IL1RAPL1: variants seen among roughly 807,000 people sequenced by gnomAD.
The protein encoded by IL1RAPL1 is interleukin 1 receptor accessory protein like 1.
IL1RAPL1 carries 3 observed loss-of-function variants against 48.4 expected under a neutral mutation model. The observed-to-expected ratio is 0.06, with a 90% CI of 0.03 to 0.16. The LOEUF is 0.16. IL1RAPL1 is among the 10% of genes least tolerant of loss of function. The probability of loss-of-function intolerance (pLI) is 1.00; values close to 1 mark genes in which losing one functional copy is unlikely to be tolerated. For missense variants in IL1RAPL1, 349 were observed against 530.6 expected (o/e 0.66, Z 3.36); for synonymous variants, 185 against 187.7 (o/e 0.99, Z 0.12).
intron 1 of IL1RAPL1, among the ~76,000 whole-genome samples, chrX:28,671,381 G>A (rs1038525662): frequency 3.6e-5 from 4 of 111,760 alleles, no homozygotes; most frequent in African/African-American, 1.3e-4. Flanking sequence ...TGAGTTAGTA[G>A]TCCAATGCTG....
intron 2 of IL1RAPL1, among the ~76,000 whole-genome samples, chrX:29,005,310 G>A (rs1925951248): frequency 8.9e-6 from 1 of 112,202 alleles, no homozygotes; most frequent in Non-Finnish European, 1.9e-5. Flanking sequence ...TGAAACTACT[G>A]TGATTAAAGC....
At chrX:28,869,492 A>G (rs1444477044) in intron 2 of IL1RAPL1, among the ~76,000 whole-genome samples, 1 of 112,418 alleles carries the variant, frequency 8.9e-6, no homozygotes, top group Non-Finnish European at 1.9e-5. Context: ...GAATACTTAT[A>G]TAAACTGCAT....
At chrX:29,252,408 C>G (rs987114367) in intron 2 of IL1RAPL1, among the ~76,000 whole-genome samples, 1 of 113,857 alleles carries the variant, frequency 8.8e-6, no homozygotes, top group African/African-American at 3.2e-5. Context: ...CCAGGGCATA[C>G]AGGGAAATAA....
chrX:29,636,054 T>A (rs1052095832), intron 5 of IL1RAPL1, among the ~76,000 whole-genome samples: 2 of 111,315 alleles, frequency 1.8e-5, no homozygotes, highest in East Asian at 5.6e-4. Flanking sequence ...ATTATAATGT[T>A]AGTCTTATAA....
At chrX:29,508,230 A>G (rs1431264581) in intron 5 of IL1RAPL1, among the ~76,000 whole-genome samples, 2 of 111,589 alleles carry the variant, frequency 1.8e-5, no homozygotes, top group African/African-American at 6.5e-5. Flanking sequence ...TCCTGATCCC[A>G]GCTCAAATAC....
chrX:29,200,395 A>C (rs1930532234), intron 2 of IL1RAPL1, among the ~76,000 whole-genome samples: 1 of 111,682 alleles, frequency 9.0e-6, no homozygotes, highest in Non-Finnish European at 1.9e-5. Flanking sequence ...CAAAAAAGTG[A>C]CACAGCAATA....
intron 2 of IL1RAPL1, among the ~76,000 whole-genome samples, chrX:29,266,501 A>T (rs1250636985): frequency 5.4e-5 from 6 of 111,567 alleles, no homozygotes; most frequent in Non-Finnish European, 1.1e-4. Context: ...ATTAATAGGA[A>T]CTCACTGCAT....
intron 5 of IL1RAPL1, among the ~76,000 whole-genome samples, chrX:29,617,492 A>G (rs141479228): frequency 8.9e-6 from 1 of 112,226 alleles, no homozygotes; most frequent in Non-Finnish European, 1.9e-5. Flanking sequence ...TGGTGAGTCA[A>G]TGAATCTCTC....
chrX:29,415,660 C>T (rs747844707), intron 5 of IL1RAPL1, among the ~76,000 whole-genome samples: 3 of 111,853 alleles, frequency 2.7e-5, no homozygotes, highest in South Asian at 7.4e-4. Context: ...ACGTTGTGAT[C>T]CACCCACTTT....
intron 5 of IL1RAPL1, among the ~76,000 whole-genome samples, chrX:29,417,790 C>G (rs1934235800): frequency 9.1e-6 from 1 of 110,359 alleles, no homozygotes; most frequent in African/African-American, 3.3e-5. Flanking sequence ...TTAATGAGTA[C>G]TTATTGTTAA....
chrX:29,459,826 C>T (rs1934782238), intron 5 of IL1RAPL1, among the ~76,000 whole-genome samples: 1 of 111,758 alleles, frequency 8.9e-6, no homozygotes, highest in Admixed American at 9.5e-5. Context: ...GCTATTAACT[C>T]TAGTTATCGT....
At chrX:29,791,716 GC>G (rs1273737625) in intron 6 of IL1RAPL1, among the ~76,000 whole-genome samples, 3 of 95,508 alleles carry the variant, frequency 3.1e-5, no homozygotes, top group Admixed American at 2.5e-4. Context: ...GAGCCACCAT[GC>G]CCAGCCTTCT....
At chrX:29,655,037 C>G (rs767540918) in intron 5 of IL1RAPL1, among the ~76,000 whole-genome samples, 1 of 111,383 alleles carries the variant, frequency 9.0e-6, no homozygotes, top group Non-Finnish European at 1.9e-5. Context: ...TTTCAGTCCA[C>G]TATCATAATG....
At chrX:29,700,176 A>G (rs989918190) in intron 6 of IL1RAPL1, among the ~76,000 whole-genome samples, 1 of 112,095 alleles carries the variant, frequency 8.9e-6, no homozygotes, top group Non-Finnish European at 1.9e-5. Context: ...AAAAATTTTT[A>G]ATAAGTTTGA....
chrX:29,699,623 G>C (rs1014928695), intron 6 of IL1RAPL1, among the ~76,000 whole-genome samples: 2 of 112,148 alleles, frequency 1.8e-5, no homozygotes, highest in African/African-American at 6.5e-5. Flanking sequence ...TTTTCCCAGT[G>C]CATAAGTCAC....
Position 28,687,222 on chromosome X carries a change from T to TC in IL1RAPL1, c.-25+99180dup, listed in dbSNP as rs1486155183. On this transcript the variant is annotated intron_variant, in intron 1 of 10. Transcript: ENST00000378993. ...TTTTCTTTCAGGATTATTCTCCTAA[T>TC]CCCCCAAGACCATCCCTGTTCAGCG... is the stretch of plus-strand genomic sequence containing the variant. 2.7e-5 allele frequency among the ~76,000 whole-genome samples: 3 copies of TC among 111,088 alleles called. No homozygotes were observed. In the East Asian group the frequency reaches 8.5e-4, roughly 31 times the overall value.
intron 3 of IL1RAPL1, chrX:29,369,247 G>C (rs1248323996): frequency 9.1e-6 from 1 of 110,233 alleles, no homozygotes; most frequent in African/African-American, 3.3e-5. Flanking sequence ...AGCAGCAGCT[G>C]CTGCTGGATG....
At chrX:28,964,277 C>T (rs764568538) in intron 2 of IL1RAPL1, among the ~76,000 whole-genome samples, 6 of 111,435 alleles carry the variant, frequency 5.4e-5, no homozygotes, top group South Asian at 7.4e-4. Flanking sequence ...AAAGTATCTA[C>T]GCATATACAG....
intron 2 of IL1RAPL1, among the ~76,000 whole-genome samples, chrX:29,060,148 A>G (rs1466196056): frequency 8.9e-6 from 1 of 112,177 alleles, no homozygotes; most frequent in Non-Finnish European, 1.9e-5. Context: ...GCAAATGAAT[A>G]AGAAACTGGC....
Sources: allele counts gnomAD v4.1 joint callset (sites outside exome capture counted in the v4.1 genomes callset), GRCh38; gene constraint gnomAD v4.1.1; transcripts MANE v1.5; gene names NCBI Gene and HGNC (gene_info 2026-07-23, HGNC 2026-07-21).